Variants in PRKN observed in about 807,000 individuals in gnomAD.
PRKN encodes the protein E3 ubiquitin-protein ligase parkin.
A neutral mutation model predicts 59.5 loss-of-function variants in PRKN; 56 were observed. The observed-to-expected ratio is 0.94, with a 90% confidence interval of 0.76 to 1.18. The LOEUF (loss-of-function observed/expected upper bound fraction) is 1.18, where lower values mean the gene tolerates loss of function less well. PRKN is among the 50% of genes most tolerant of loss of function. The pLI, the probability that PRKN is intolerant of heterozygous loss-of-function variation, is 0.00. For synonymous variants in PRKN, 250 were observed against 222.1 expected (o/e 1.13, Z -1.12); for missense variants, 657 against 596.4 (o/e 1.10, Z -1.06).
At chr6:161,899,861 G>T (rs1368870438) in intron 6 of PRKN, among the ~76,000 whole-genome samples, 2 of 152,154 alleles carry the variant, frequency 1.3e-5, no homozygotes, top group Admixed American at 6.5e-5. Flanking sequence ...GGCGGCTCTT[G>T]CCTGTAATCC....
At chr6:161,956,897 G>A (rs1780189602) in intron 6 of PRKN, among the ~76,000 whole-genome samples, 1 of 152,084 alleles carries the variant, frequency 6.6e-6, no homozygotes, top group Non-Finnish European at 1.5e-5. Context: ...TGATTTGAAA[G>A]GCCACTTTCT....
intron 6 of PRKN, among the ~76,000 whole-genome samples, chr6:161,873,660 G>C (rs1227204161): frequency 6.6e-6 from 1 of 151,738 alleles, no homozygotes; most frequent in Non-Finnish European, 1.5e-5. Context: ...TCTGCCAGTT[G>C]AGGCGTTTGA....
chr6:161,375,097 C>T (rs1191555334), intron 10 of PRKN, among the ~76,000 whole-genome samples: 3 of 151,588 alleles, frequency 2.0e-5, no homozygotes, highest in Non-Finnish European at 3.0e-5. Flanking sequence ...ACCCGCAGGC[C>T]GTGACCCCCA....
In PRKN at chr6:162,691,813, A is replaced by G. The variant is rs946341926; in HGVS notation, c.7+35849T>C. Among the ~76,000 whole-genome samples, 4 of 152,340 alleles carry G rather than the reference A, an allele frequency of 2.6e-5. No individual in the cohort carries two copies. The South Asian group carries it at 6.2e-4, about 24-fold the overall frequency. On this transcript the variant is annotated intron_variant, in intron 1 of 11. Coordinates refer to ENST00000366898, the MANE Select transcript of PRKN (RefSeq NM_004562.3). ...AGAGTCAACATGATTCATTGGTTAG[A>G]AAGGGAAAGGAAGACATCTCTCTCT...
chr6:162,644,573 A>G (rs1461901504), intron 1 of PRKN, among the ~76,000 whole-genome samples: 2 of 152,262 alleles, frequency 1.3e-5, no homozygotes, highest in South Asian at 2.1e-4. Flanking sequence ...ATTTTCAGAA[A>G]GGCAGGCACT....
At chr6:161,620,379 C>T (rs552311001) in intron 7 of PRKN, among the ~76,000 whole-genome samples, 1 of 152,270 alleles carries the variant, frequency 6.6e-6, no homozygotes, top group East Asian at 1.9e-4. Flanking sequence ...TGTCCCAAGA[C>T]ACCTTCTTCC....
chr6:162,635,843 T>C (rs1242848492), intron 1 of PRKN, among the ~76,000 whole-genome samples: 3 of 152,122 alleles, frequency 2.0e-5, no homozygotes, highest in African/African-American at 7.2e-5. Context: ...CGCTTCCGGT[T>C]TGGGGGCTTG....
At chr6:161,716,223 T>A in intron 7 of PRKN, 1 of 589,874 alleles carries the variant, frequency 1.7e-6, no homozygotes, top group Non-Finnish European at 2.9e-6. Flanking sequence ...GCTGTTGGAG[T>A]AATATTCTAT....
chr6:161,902,622 C>G (rs1434392337), intron 6 of PRKN, among the ~76,000 whole-genome samples: 1 of 141,406 alleles, frequency 7.1e-6, no homozygotes, highest in East Asian at 2.2e-4. Context: ...TGCAGTGGTA[C>G]CATCTCAGCT....
At chr6:162,528,931 G>A (rs1456802329) in intron 1 of PRKN, among the ~76,000 whole-genome samples, 2 of 152,138 alleles carry the variant, frequency 1.3e-5, no homozygotes, top group Non-Finnish European at 2.9e-5. Flanking sequence ...AGGCTGGAGT[G>A]CAGTGGCGTG....
At chr6:162,650,530 G>A (rs919094137) in intron 1 of PRKN, among the ~76,000 whole-genome samples, 8 of 148,532 alleles carry the variant, frequency 5.4e-5, no homozygotes, top group Non-Finnish European at 1.2e-4. Flanking sequence ...CCCGGGAGGC[G>A]GAGCTTGCAG....
intron 7 of PRKN, among the ~76,000 whole-genome samples, chr6:161,675,378 A>G (rs75039859): frequency 9.5e-4 from 144 of 152,294 alleles, no homozygotes; most frequent in African/African-American, 3.2e-3. Context: ...GGAAACATAG[A>G]GAGGAGCGCT....
chr6:161,427,396 A>G (rs1168189286), intron 9 of PRKN, among the ~76,000 whole-genome samples: 3 of 152,118 alleles, frequency 2.0e-5, no homozygotes, highest in African/African-American at 7.2e-5. Context: ...CAGAGGAGGA[A>G]ACTGAGGCAC....
At chr6:161,532,398 G>A (rs1474285401) in intron 9 of PRKN, among the ~76,000 whole-genome samples, 2 of 151,886 alleles carry the variant, frequency 1.3e-5, no homozygotes, top group African/African-American at 2.4e-5. Flanking sequence ...ATGGCTGTGT[G>A]TGTATGAGTG....
chr6:162,293,615 G>A (rs1781535778), intron 2 of PRKN, among the ~76,000 whole-genome samples: 1 of 152,148 alleles, frequency 6.6e-6, no homozygotes, highest in Admixed American at 6.6e-5. Flanking sequence ...CAAGCCCGGT[G>A]GAAGCCAGGG....
intron 7 of PRKN, among the ~76,000 whole-genome samples, chr6:161,732,054 C>T (rs891024044): frequency 6.6e-6 from 1 of 151,384 alleles, no homozygotes; most frequent in South Asian, 2.1e-4. Context: ...CACCCAAGTA[C>T]TAAGCCTAAT....
chr6:162,706,250 T>C (rs1473869926), intron 1 of PRKN, among the ~76,000 whole-genome samples: 1 of 151,524 alleles, frequency 6.6e-6, no homozygotes, highest in Non-Finnish European at 1.5e-5. Flanking sequence ...CTATTAGAAA[T>C]AGAAGAAACA....
rs145711247 is a variant in PRKN, at chr6:161,493,961, A to C, written c.1083+54893T>G. Among the ~76,000 whole-genome samples, 657 of 152,280 alleles carry C rather than the reference A, an allele frequency of 4.3e-3. 7 individuals carry two copies. The highest frequency in any genetic ancestry group is 0.015 in the African/African-American group (641 of 41,570). ...CAAGACAAGAGCCGGGAAGGCAGGG[A>C]CGCTCGATCAGCCGTTTCCAGCAAT... On this transcript the variant is annotated intron_variant, in intron 9 of 11. Coordinates refer to ENST00000366898, the MANE Select transcript of PRKN (RefSeq NM_004562.3).
rs3066554 is a variant in PRKN, at chr6:161,678,216, C to CTTTTTTTTTT, written c.871+107546_871+107555dup. On this transcript the variant is annotated intron_variant, in intron 7 of 11. Coordinates refer to ENST00000366898, the MANE Select transcript of PRKN (RefSeq NM_004562.3). Reference sequence around the variant, plus strand: ...TTATGGTAATAACAATACTGAATCACTTTTTTTTTTTTTTTTTTTTTTTTT... The same window carrying CTTTTTTTTTT: ...TTATGGTAATAACAATACTGAATCACTTTTTTTTTTTTTTTTTTTTTTTTTTTTTTTTTTT... 1.0e-3 allele frequency among the ~76,000 whole-genome samples: 66 copies of CTTTTTTTTTT among 64,950 alleles called. 13 individuals are homozygous for CTTTTTTTTTT. Among genetic ancestry groups the CTTTTTTTTTT allele is most frequent in the African/African-American group, 3.4e-3 (43 of 12,692 alleles). The allele number at this position is 64,950 out of a possible 152,430, so 42.6% of individuals were successfully genotyped here. A position where few individuals can be genotyped will look rare whatever the true frequency, so the allele number is the denominator to read the frequency against.
Sources: gnomAD v4.1 joint callset for allele counts (sites outside exome capture counted in the v4.1 genomes callset) on GRCh38, gnomAD v4.1.1 for gene constraint, MANE v1.5 for transcripts, NCBI Gene and HGNC (gene_info 2026-07-23, HGNC 2026-07-21) for gene names.